Variants in LIN28B observed in about 807,000 individuals in gnomAD.
LIN28B encodes the protein lin-28 RNA binding posttranscriptional regulator B, also known as protein lin-28 homolog B.
A neutral mutation model predicts 21.9 loss-of-function variants in LIN28B; 5 were observed. That is an observed-to-expected ratio of 0.23 (90% CI 0.12 to 0.48). The LOEUF (loss-of-function observed/expected upper bound fraction) is 0.48, where lower values mean the gene tolerates loss of function less well. LIN28B is among the 20% of genes least tolerant of loss of function. The pLI is 0.98. For missense variants in LIN28B, 245 were observed against 310.5 expected, an observed-to-expected ratio of 0.79 and a Z score of 1.58; for synonymous variants, 109 against 111.3, an observed-to-expected ratio of 0.98 and a Z score of 0.13.
intron 2 of LIN28B, among the ~76,000 whole-genome samples, chr6:104,982,084 G>A (rs997185045): frequency 1.7e-4 from 26 of 152,134 alleles, no homozygotes; most frequent in Non-Finnish European, 2.9e-4. Context: ...GGAGGCTGAG[G>A]TGGGCGGATC....
chr6:105,056,261 A>ATTT (rs146221243), intron 3 of LIN28B, among the ~76,000 whole-genome samples: 63 of 150,462 alleles, frequency 4.2e-4, no homozygotes, highest in East Asian at 5.9e-4. Flanking sequence ...ATGCGTAGTA[A>ATTT]TTTTTTTATT....
chr6:105,071,534 A>G (rs552906614), intron 3 of LIN28B, among the ~76,000 whole-genome samples: 18 of 152,278 alleles, frequency 1.2e-4, no homozygotes, highest in Non-Finnish European at 2.1e-4. Flanking sequence ...TTAATATCTT[A>G]GTACCTGAAT....
intron 2 of LIN28B, among the ~76,000 whole-genome samples, chr6:104,960,390 T>A (rs930409733): frequency 5.9e-5 from 9 of 152,124 alleles, no homozygotes; most frequent in African/African-American, 2.2e-4. Flanking sequence ...CATAGAATTT[T>A]AAAAAACATT....
chr6:104,967,003 G>A (rs1190413843), intron 2 of LIN28B, among the ~76,000 whole-genome samples: 3 of 151,848 alleles, frequency 2.0e-5, no homozygotes, highest in Non-Finnish European at 4.4e-5. Context: ...TGGGCTCAAG[G>A]GATCCTCCCA....
rs539323036 is a variant in LIN28B, at chr6:105,063,528, C to T, written c.384-14886C>T. ...GCGCATGCCTGTAGTCCCAGCTACT[C>T]GAGAGGCTGAGGCACAAGAATTGCT... On this transcript the variant is annotated intron_variant, in intron 3 of 3. Coordinates refer to ENST00000345080, the MANE Select transcript of LIN28B (RefSeq NM_001004317.4). Among the ~76,000 whole-genome samples the T allele has an allele frequency of 4.7e-5, 7 of 150,502 alleles. No homozygotes were observed. The South Asian group carries it at 8.4e-4, about 18-fold the overall frequency.
chr6:104,960,426 T>C (rs368979197), intron 2 of LIN28B, among the ~76,000 whole-genome samples: 1 of 152,118 alleles, frequency 6.6e-6, no homozygotes, highest in Non-Finnish European at 1.5e-5. Flanking sequence ...GAGGCCTTTT[T>C]AGTTTTATAA....
At position 105,082,644 on chromosome 6, in the gene LIN28B, T is replaced by A. The variant is rs1250845741; in HGVS notation, c.*3861T>A. ...GAACATCTTGTTAAAAGCATCAAAC[T>A]CTGTCTTACATAGCTGTCAACAGCC... On this transcript the variant is annotated 3_prime_UTR_variant, in exon 4 of 4. Transcript: ENST00000345080. The A allele has an allele frequency of 6.5e-6, 1 of 152,676 alleles. No homozygotes were observed. Among genetic ancestry groups the A allele is most frequent in the Non-Finnish European group, 1.5e-5 (1 of 68,050 alleles). 9.5% of individuals were successfully genotyped at this position (152,676 alleles called of 1,614,324 possible).
At chr6:105,034,186 A>AT (rs35244537) in intron 3 of LIN28B, among the ~76,000 whole-genome samples, 1 of 151,660 alleles carries the variant, frequency 6.6e-6, no homozygotes, top group African/African-American at 2.4e-5. Flanking sequence ...TTAAATTCCG[A>AT]TTTTTTTAGA....
chr6:104,943,083 T>TC (rs1778115821), intron 2 of LIN28B, among the ~76,000 whole-genome samples: 1 of 152,182 alleles, frequency 6.6e-6, no homozygotes, highest in South Asian at 2.1e-4. Context: ...GGTATGTCAA[T>TC]CTTATACTTT....
chr6:105,074,347 G>A (rs1369816952), intron 3 of LIN28B, among the ~76,000 whole-genome samples: 4 of 151,902 alleles, frequency 2.6e-5, no homozygotes, highest in East Asian at 1.9e-4. Flanking sequence ...ACAGGCCCCC[G>A]CCACCATGCC....
At chr6:104,983,238 G>A (rs1236248324) in intron 2 of LIN28B, among the ~76,000 whole-genome samples, 2 of 152,220 alleles carry the variant, frequency 1.3e-5, no homozygotes, top group Admixed American at 6.5e-5. Flanking sequence ...TATTTAGAAA[G>A]CATCAACCAT....
chr6:105,012,960 A>G (rs1005840603), intron 2 of LIN28B, among the ~76,000 whole-genome samples: 23 of 152,148 alleles, frequency 1.5e-4, no homozygotes, highest in Non-Finnish European at 2.9e-5. Flanking sequence ...TAGTAGTTAC[A>G]CATCCTCACC....
At chr6:104,963,879 A>C (rs925025691) in intron 2 of LIN28B, among the ~76,000 whole-genome samples, 4 of 152,218 alleles carry the variant, frequency 2.6e-5, no homozygotes, top group African/African-American at 9.6e-5. Flanking sequence ...TTTTTAAATA[A>C]AAATATGAGT....
At chr6:105,055,760 C>T (rs565765076) in intron 3 of LIN28B, among the ~76,000 whole-genome samples, 2 of 151,840 alleles carry the variant, frequency 1.3e-5, no homozygotes, top group African/African-American at 4.8e-5. Context: ...TTTTAATAGT[C>T]TGTCTTTCTT....
chr6:104,991,707 C>T (rs1016953555), intron 2 of LIN28B, among the ~76,000 whole-genome samples: 1 of 152,202 alleles, frequency 6.6e-6, no homozygotes, highest in Non-Finnish European at 1.5e-5. Flanking sequence ...CGCCACTGCA[C>T]TCCAGCCTGG....
In LIN28B at chr6:104,971,217, CTT is replaced by C. The variant is rs370690352; in HGVS notation, c.198+12934_198+12935del. 2.8e-3 allele frequency among the ~76,000 whole-genome samples: 428 copies of C among 152,104 alleles called. 6 individuals carry two copies. The highest frequency in any genetic ancestry group is 9.9e-3 in the African/African-American group (410 of 41,528). ...CGTGCAAATAAGTACTTTTAAAAGA[CTT>C]TTAAGAATACTGTATAGACCACCCT... is the stretch of plus-strand genomic sequence containing the variant. On this transcript the variant is annotated intron_variant, in intron 2 of 3. Coordinates refer to ENST00000345080, the MANE Select transcript of LIN28B (RefSeq NM_001004317.4).
intron 2 of LIN28B, among the ~76,000 whole-genome samples, chr6:104,985,155 A>C (rs1770309165): frequency 6.6e-6 from 1 of 152,256 alleles, no homozygotes; most frequent in Admixed American, 6.5e-5. Flanking sequence ...TTACTCTTCC[A>C]GGTTCTCAGG....
chr6:105,014,344 A>T (rs977983279), intron 2 of LIN28B, among the ~76,000 whole-genome samples: 2 of 152,078 alleles, frequency 1.3e-5, no homozygotes, highest in Non-Finnish European at 2.9e-5. Flanking sequence ...TTTGAGACGG[A>T]GTTTCACTCT....
In LIN28B at chr6:105,001,834, G is replaced by A. The variant is rs79975589; in HGVS notation, c.199-24464G>A. Among the ~76,000 whole-genome samples, 892 of 152,246 alleles carry A rather than the reference G, an allele frequency of 5.9e-3. 1 individual carries two copies. The highest frequency in any genetic ancestry group is 9.0e-3 in the Non-Finnish European group (611 of 68,018). On this transcript the variant is annotated intron_variant, in intron 2 of 3. Coordinates refer to ENST00000345080, the MANE Select transcript of LIN28B (RefSeq NM_001004317.4). ...TTTTCTTGATATTACAAAAAAACTC[G>A]ATCTCTAGCTGGAAGAGAATTTATT...
Sources: allele counts gnomAD v4.1 joint callset (sites outside exome capture counted in the v4.1 genomes callset), GRCh38; gene constraint gnomAD v4.1.1; transcripts MANE v1.5; gene names NCBI Gene and HGNC (gene_info 2026-07-23, HGNC 2026-07-21).